Variants in BCKDHB observed in about 807,000 individuals in gnomAD.
The protein encoded by BCKDHB is branched chain keto acid dehydrogenase E1 subunit beta, also known as 2-oxoisovalerate dehydrogenase subunit beta, mitochondrial.
Under a neutral mutation model 48.5 loss-of-function variants are expected in BCKDHB, and 41 were observed. The ratio of observed to expected loss-of-function variants is 0.85; its 90% CI spans 0.66 to 1.10. The LOEUF (loss-of-function observed/expected upper bound fraction) is 1.10. BCKDHB is among the 50% of genes least tolerant of loss of function. The probability of loss-of-function intolerance (pLI) is 0.00; values close to 1 mark genes in which losing one functional copy is unlikely to be tolerated. For synonymous variants in BCKDHB, 201 were observed against 174.8 expected (o/e 1.15, Z -1.18); for missense variants, 496 against 494.2 (o/e 1.00, Z -0.03).
At chr6:80,108,648 T>C (rs1346877888) in intron 1 of BCKDHB, among the ~76,000 whole-genome samples, 1 of 150,556 alleles carries the variant, frequency 6.6e-6, no homozygotes, top group African/African-American at 2.4e-5. Context: ...GATCACCAGG[T>C]CAAGAGATCG....
rs1769643902 is a variant in BCKDHB, at chr6:80,115,505, G to C, written c.196+8616G>C. Among the ~76,000 whole-genome samples, 2 of 152,100 alleles carry C rather than the reference G, an allele frequency of 1.3e-5. 1 individual carries two copies. The highest frequency in any genetic ancestry group is 4.1e-4 in the South Asian group (2 of 4,826). On this transcript the variant is annotated intron_variant, in intron 1 of 9. Transcript: ENST00000320393. ...GGTAGAGGTTTTGTTGGGGAAAACA[G>C]GTAGTTTCTTAGTATCCTGTTATTT...
intron 6 of BCKDHB, among the ~76,000 whole-genome samples, chr6:80,200,640 A>T (rs1456801747): frequency 6.6e-6 from 1 of 152,120 alleles, no homozygotes; most frequent in Non-Finnish European, 1.5e-5. Context: ...ACCAATATTG[A>T]TACATTCTTA....
chr6:80,264,014 A>ATT (rs1050632977), intron 8 of BCKDHB, among the ~76,000 whole-genome samples: 5 of 152,076 alleles, frequency 3.3e-5, no homozygotes, highest in Non-Finnish European at 7.4e-5. Flanking sequence ...TCATTTTTCA[A>ATT]TTTTTTTTAG....
At chr6:80,396,338 T>C in the BCKDHB span, among the ~76,000 whole-genome samples, 11 of 152,364 alleles carry the variant, frequency 7.2e-5, no homozygotes, top group East Asian at 2.1e-3. Context: ...CCAATACCTC[T>C]ATCCTCATTA....
intron 9 of BCKDHB, among the ~76,000 whole-genome samples, chr6:80,314,891 C>T (rs904292683): frequency 1.3e-5 from 2 of 152,204 alleles, no homozygotes; most frequent in Non-Finnish European, 2.9e-5. Flanking sequence ...GGCAAAGCAG[C>T]TGTGCTGTGC....
chr6:80,148,404 C>T (rs74455829), intron 3 of BCKDHB, among the ~76,000 whole-genome samples: 1,902 of 152,196 alleles, frequency 0.012, 36 homozygotes, highest in African/African-American at 0.044. Context: ...TGAGCTCTTT[C>T]TCTTAGATCC....
intron 8 of BCKDHB, among the ~76,000 whole-genome samples, chr6:80,228,550 G>A (rs1294709744): frequency 2.6e-5 from 4 of 152,194 alleles, no homozygotes; most frequent in Non-Finnish European, 4.4e-5. Context: ...TAAAACAGCA[G>A]CTTCAGAATT....
intron 8 of BCKDHB, among the ~76,000 whole-genome samples, chr6:80,267,690 A>G (rs979370317): frequency 5.3e-5 from 8 of 152,164 alleles, no homozygotes; most frequent in Non-Finnish European, 1.0e-4. Flanking sequence ...TTTCAGAAAG[A>G]TGTCCACTTT....
At chr6:80,116,082 C>T (rs1395569064) in intron 1 of BCKDHB, among the ~76,000 whole-genome samples, 1 of 152,236 alleles carries the variant, frequency 6.6e-6, no homozygotes, top group African/African-American at 2.4e-5. Context: ...TATAAATCCA[C>T]TCACTGACCG....
intron 9 of BCKDHB, among the ~76,000 whole-genome samples, chr6:80,305,331 A>G (rs541021433): frequency 1.5e-4 from 23 of 152,312 alleles, no homozygotes; most frequent in African/African-American, 5.3e-4. Flanking sequence ...GTTCACAGAT[A>G]GATTCATTGC....
At position 80,147,628 on chromosome 6, in the gene BCKDHB, A is replaced by C. The variant is rs1771552180; in HGVS notation, c.343+18399A>C. Among the ~76,000 whole-genome samples, 4 of 152,138 alleles carry C rather than the reference A, an allele frequency of 2.6e-5. No individual in the cohort carries two copies. The South Asian group carries it at 8.3e-4, about 31-fold the overall frequency. ...GGAGACGGGGGTGAGATGATGCCTG[A>C]GTCCAGGCGTTGTGACCTTCGGTGT... is the stretch of plus-strand genomic sequence containing the variant. On this transcript the variant is annotated intron_variant, in intron 3 of 9. Transcript: ENST00000320393.
At chr6:80,184,675 A>C (rs1052068242) in intron 6 of BCKDHB, among the ~76,000 whole-genome samples, 4 of 152,108 alleles carry the variant, frequency 2.6e-5, no homozygotes, top group Non-Finnish European at 5.9e-5. Flanking sequence ...AAAAGACTTT[A>C]TCTCTCCTCT....
In BCKDHB at chr6:80,319,992, C is replaced by A. The variant is rs183310756; in HGVS notation, c.1039-23672C>A. ...TAAATACTGCTAAATTTAAGATATA[C>A]TAAAATTTGAGTATTTTCCCTTTAG... is the stretch of plus-strand genomic sequence containing the variant. On this transcript the variant is annotated intron_variant, in intron 9 of 9. Transcript: ENST00000320393. 4.1e-4 allele frequency among the ~76,000 whole-genome samples: 63 copies of A among 152,194 alleles called. 1 individual carries two copies. The highest frequency in any genetic ancestry group is 3.4e-3 in the Middle Eastern group (1 of 292).
chr6:80,258,398 A>G (rs535654371), intron 8 of BCKDHB, among the ~76,000 whole-genome samples: 1 of 152,348 alleles, frequency 6.6e-6, no homozygotes, highest in South Asian at 2.1e-4. Flanking sequence ...TTTAGAAGGT[A>G]CCAGAGGAAA....
At chr6:80,293,229 G>A (rs1013587966) in intron 9 of BCKDHB, among the ~76,000 whole-genome samples, 5 of 152,170 alleles carry the variant, frequency 3.3e-5, no homozygotes, top group Admixed American at 2.6e-4. Context: ...AGTTTCTCCC[G>A]GAGGGTTCTA....
At chr6:80,162,688 G>A (rs111835972) in intron 3 of BCKDHB, among the ~76,000 whole-genome samples, 1,758 of 151,748 alleles carry the variant, frequency 0.012, 35 homozygotes, top group African/African-American at 0.04. Context: ...CCATCTCTAC[G>A]AAAAATACAA....
intron 4 of BCKDHB, among the ~76,000 whole-genome samples, chr6:80,168,281 CAAAAA>C (rs1408806580): frequency 6.8e-6 from 1 of 146,614 alleles, no homozygotes; most frequent in Non-Finnish European, 1.5e-5. Context: ...GACCCTTTCT[CAAAAA>C]GAAAAGAAGA....
chr6:80,200,883 G>A, intron 6 of BCKDHB, 51 bp from the exon 7 acceptor site: 1 of 1,375,914 alleles, frequency 7.3e-7, no homozygotes, highest in South Asian at 1.2e-5. Flanking sequence ...TTATGCACAA[G>A]TGTCACCTCA....
chr6:80,416,983 G>A, the BCKDHB span, among the ~76,000 whole-genome samples: 9 of 152,142 alleles, frequency 5.9e-5, no homozygotes, highest in Non-Finnish European at 7.4e-5. Context: ...TTGTGTAGGA[G>A]TCTAAGTCTC....
Sources: gnomAD v4.1 joint callset for allele counts (sites outside exome capture counted in the v4.1 genomes callset) on GRCh38, gnomAD v4.1.1 for gene constraint, MANE v1.5 for transcripts, NCBI Gene and HGNC (gene_info 2026-07-23, HGNC 2026-07-21) for gene names.